The following TESK2 variants were observed in gnomAD, a reference collection of about 807,000 sequenced individuals.
The protein encoded by TESK2 is dual specificity testis-specific protein kinase 2.
A neutral mutation model predicts 57.1 loss-of-function variants in TESK2; 39 were observed. The observed-to-expected ratio is 0.68, with a 90% confidence interval of 0.53 to 0.89. The LOEUF is 0.89. Ranked by LOEUF, TESK2 falls within the 40% of genes least tolerant of loss-of-function variation. The probability of loss-of-function intolerance (pLI) is 0.00; values close to 1 mark genes in which losing one functional copy is unlikely to be tolerated. For missense variants in TESK2, 646 were observed against 732.1 expected (o/e 0.88, Z 1.36); for synonymous variants, 249 against 267.9 (o/e 0.93, Z 0.69).
At chr1:45,490,697 G>A (rs2149311474) in intron 1 of TESK2, among the ~76,000 whole-genome samples, 155 bp downstream of exon 1, 1 of 152,246 alleles carries the variant, frequency 6.6e-6, no homozygotes, top group Non-Finnish European at 1.5e-5. Flanking sequence ...AGCGTCCGCC[G>A]CCGCTGAGAG....
chr1:45,374,143 T>C (rs1174057686), intron 4 of TESK2, among the ~76,000 whole-genome samples: 1 of 152,204 alleles, frequency 6.6e-6, no homozygotes, highest in Non-Finnish European at 1.5e-5. Context: ...AAAAGATTCA[T>C]CAAATGGATG....
intron 2 of TESK2, among the ~76,000 whole-genome samples, chr1:45,427,010 G>A (rs1401535806): frequency 3.9e-5 from 6 of 152,030 alleles, no homozygotes; most frequent in South Asian, 2.1e-4. Flanking sequence ...TTGAGAGGCC[G>A]AGGTGGAGGA....
At chr1:45,375,642 A>T (rs945273830) in intron 4 of TESK2, among the ~76,000 whole-genome samples, 3 of 152,138 alleles carry the variant, frequency 2.0e-5, no homozygotes, top group African/African-American at 7.2e-5. Flanking sequence ...TCATGCCTGT[A>T]GTCCCAGTGC....
intron 3 of TESK2, among the ~76,000 whole-genome samples, chr1:45,388,314 T>G (rs1447452005): frequency 3.3e-5 from 5 of 152,228 alleles, no homozygotes; most frequent in African/African-American, 4.8e-5. Flanking sequence ...AGACTGCTTC[T>G]CTGAGATTAA....
At position 45,423,495 on chromosome 1, in the gene TESK2, C is replaced by T. The variant is rs79067029; in HGVS notation, c.223-1649G>A. The stretch of plus-strand genomic sequence containing the variant: ...TGGCATGAGCCTGGGAGGCGGGGCC[C>T]GCAGTGAGTGGAGATTGTGCCACTG... On this transcript the variant is annotated intron_variant, in intron 2 of 10. Transcript: ENST00000372086. Among the ~76,000 whole-genome samples the T allele has an allele frequency of 3.4e-3, 516 of 151,070 alleles. 4 individuals carry two copies. Among genetic ancestry groups the T allele is most frequent in the East Asian group, 0.03 (156 of 5,128 alleles).
intron 1 of TESK2, among the ~76,000 whole-genome samples, chr1:45,478,993 G>C (rs1396453299): frequency 6.6e-6 from 1 of 152,024 alleles, no homozygotes; most frequent in African/African-American, 2.4e-5. Context: ...CAAAGTGCTG[G>C]GATTACAGGG....
chr1:45,382,365 A>C (rs1270765528), intron 4 of TESK2, among the ~76,000 whole-genome samples: 2 of 152,156 alleles, frequency 1.3e-5, no homozygotes, highest in East Asian at 3.9e-4. Context: ...CAGCCTCTCC[A>C]ATAGCTGGGA....
intron 4 of TESK2, among the ~76,000 whole-genome samples, chr1:45,367,656 A>ATTTT (rs549920468): frequency 6.4e-5 from 8 of 125,266 alleles, no homozygotes; most frequent in African/African-American, 1.2e-4. Context: ...GTCACAAAGC[A>ATTTT]TTTTTTTTTT....
chr1:45,379,256 C>T (rs1648555148), intron 4 of TESK2, among the ~76,000 whole-genome samples: 1 of 152,164 alleles, frequency 6.6e-6, no homozygotes, highest in Admixed American at 6.6e-5. Context: ...GCCTTGCCCT[C>T]CTGGGCTCAA....
At chr1:45,460,617 T>C (rs919951120) in intron 1 of TESK2, among the ~76,000 whole-genome samples, 1 of 152,130 alleles carries the variant, frequency 6.6e-6, no homozygotes, top group African/African-American at 2.4e-5. Context: ...GCAATGGTGC[T>C]ATCACAGCTC....
intron 2 of TESK2, among the ~76,000 whole-genome samples, chr1:45,444,540 C>A (rs1019309354): frequency 3.9e-5 from 6 of 152,058 alleles, no homozygotes; most frequent in Admixed American, 2.6e-4. Flanking sequence ...AGATTTGAAC[C>A]ACACACACTG....
chr1:45,367,913 C>T (rs1648002974), intron 4 of TESK2, among the ~76,000 whole-genome samples: 1 of 151,468 alleles, frequency 6.6e-6, no homozygotes. Flanking sequence ...CCCACCTCAG[C>T]CTCTCAAAGT....
At chr1:45,375,093 G>A (rs769128232) in intron 4 of TESK2, among the ~76,000 whole-genome samples, 1 of 152,112 alleles carries the variant, frequency 6.6e-6, no homozygotes, top group Admixed American at 6.6e-5. Context: ...TGGTTTTCCT[G>A]CTTCCACCCT....
chr1:45,385,710 GTATATATA>G (rs754585734), intron 4 of TESK2, among the ~76,000 whole-genome samples, 194 bp downstream of exon 4: 7 of 135,292 alleles, frequency 5.2e-5, no homozygotes, highest in African/African-American at 1.5e-4. Context: ...GTGTGTGTGT[GTATATATA>G]TATATATATA....
rs1194997594 is a variant in TESK2, at chr1:45,472,328, C to T, written c.-86-14457G>A. On this transcript the variant is annotated intron_variant, in intron 1 of 10. Transcript: ENST00000372086. ...ATCCCAGCACTTTGGGAGGCCAAGG[C>T]GGGCAGATCACCTGAGGTCAAGAGT... 2.7e-5 allele frequency among the ~76,000 whole-genome samples: 4 copies of T among 150,784 alleles called. 1 individual carries two copies. The highest frequency in any genetic ancestry group is 5.9e-5 in the Non-Finnish European group (4 of 67,854).
chr1:45,462,712 C>T (rs182939661), intron 1 of TESK2, among the ~76,000 whole-genome samples: 1 of 152,290 alleles, frequency 6.6e-6, no homozygotes, highest in East Asian at 1.9e-4. Context: ...GGAGTGCAAA[C>T]GTCTCTTCGC....
chr1:45,371,693 T>A (rs1281154548), intron 4 of TESK2, among the ~76,000 whole-genome samples: 2 of 150,518 alleles, frequency 1.3e-5, no homozygotes, highest in Admixed American at 6.6e-5. Flanking sequence ...TGAAACCCCA[T>A]CTCTACAAAA....
intron 5 of TESK2, among the ~76,000 whole-genome samples, chr1:45,351,402 T>C (rs1024320547): frequency 1.3e-5 from 2 of 152,258 alleles, no homozygotes; most frequent in Non-Finnish European, 2.9e-5. Flanking sequence ...TGAATGGCTA[T>C]ATCTGACAGA....
intron 4 of TESK2, among the ~76,000 whole-genome samples, chr1:45,362,324 G>C (rs1647722279): frequency 6.6e-6 from 1 of 152,212 alleles, no homozygotes; most frequent in Non-Finnish European, 1.5e-5. Flanking sequence ...TTCAGGCACA[G>C]ACAAGCACAT....
Sources: gnomAD v4.1 joint callset for allele counts (sites outside exome capture counted in the v4.1 genomes callset) on GRCh38, gnomAD v4.1.1 for gene constraint, MANE v1.5 for transcripts, NCBI Gene and HGNC (gene_info 2026-07-23, HGNC 2026-07-21) for gene names.